GRIN2A: variants seen among roughly 807,000 people sequenced by gnomAD.
GRIN2A encodes glutamate receptor ionotropic, NMDA 2A.
A neutral mutation model predicts 113.4 loss-of-function variants in GRIN2A; 22 were observed. The observed-to-expected ratio is 0.19, with a 90% CI of 0.14 to 0.28. GRIN2A has a LOEUF of 0.28. Ranked by LOEUF, GRIN2A falls within the 10% of genes least tolerant of loss-of-function variation. The pLI is 1.00. For synonymous variants in GRIN2A, 827 were observed against 738.4 expected (o/e 1.12, Z -1.94); for missense variants, 1,502 against 1,887.0 (o/e 0.80, Z 3.78).
intron 2 of GRIN2A, among the ~76,000 whole-genome samples, chr16:10,001,461 T>C (rs1053073646): frequency 1.3e-5 from 2 of 152,198 alleles, no homozygotes; most frequent in Non-Finnish European, 2.9e-5. Flanking sequence ...AGACCAATGA[T>C]GTCATCAAGA....
intron 2 of GRIN2A, among the ~76,000 whole-genome samples, chr16:9,965,187 G>A (rs1397979298): frequency 3.3e-5 from 5 of 152,164 alleles, no homozygotes; most frequent in African/African-American, 4.8e-5. Flanking sequence ...ATACTCACAC[G>A]CTGGCAGAAC....
At chr16:9,930,972 C>T (rs1322206865) in intron 3 of GRIN2A, among the ~76,000 whole-genome samples, 1 of 152,178 alleles carries the variant, frequency 6.6e-6, no homozygotes, top group Non-Finnish European at 1.5e-5. Context: ...AAGCTGAAGC[C>T]TGACTTCATA....
intron 3 of GRIN2A, among the ~76,000 whole-genome samples, chr16:9,914,064 G>C (rs2044194826): frequency 2.0e-5 from 3 of 150,864 alleles, no homozygotes; most frequent in African/African-American, 7.3e-5. Context: ...AAGAATGTTT[G>C]ATTTGGAGAG....
intron 2 of GRIN2A, among the ~76,000 whole-genome samples, chr16:10,022,563 GCACCATAGTCTATTTCC>G (rs1267190659): frequency 1.3e-5 from 2 of 152,160 alleles, no homozygotes; most frequent in African/African-American, 4.8e-5. Context: ...CATCAGTGCT[GCACCATAGTCTATTTCC>G]CACCCTCTCT....
At chr16:10,029,767 G>C (rs1031569634) in intron 2 of GRIN2A, among the ~76,000 whole-genome samples, 1 of 152,068 alleles carries the variant, frequency 6.6e-6, no homozygotes, top group Non-Finnish European at 1.5e-5. Context: ...GGCCGAAGGG[G>C]GTGTAGATCA....
intron 11 of GRIN2A, among the ~76,000 whole-genome samples, chr16:9,792,105 G>GTGTTTGTGTGTC (rs3831728): frequency 6.6e-6 from 1 of 151,064 alleles, no homozygotes; most frequent in African/African-American, 2.4e-5. Context: ...GTGTGTGTGT[G>GTGTTTGTGTGTC]TGTATCTTTC....
intron 2 of GRIN2A, among the ~76,000 whole-genome samples, chr16:10,175,010 G>T (rs1043584145): frequency 6.6e-6 from 1 of 152,174 alleles, no homozygotes; most frequent in Non-Finnish European, 1.5e-5. Flanking sequence ...TCTGTGCTTA[G>T]ATATGTTTAG....
intron 2 of GRIN2A, among the ~76,000 whole-genome samples, chr16:9,990,631 C>G (rs963313784): frequency 6.6e-6 from 1 of 151,224 alleles, no homozygotes; most frequent in Non-Finnish European, 1.5e-5. Context: ...CCTCTAGATA[C>G]TGACTCAACA....
intron 2 of GRIN2A, among the ~76,000 whole-genome samples, chr16:9,958,292 TG>T (rs1393469290): frequency 3.3e-5 from 5 of 152,172 alleles, no homozygotes; most frequent in African/African-American, 1.2e-4. Flanking sequence ...CCTTGAATGC[TG>T]ACTTGCCACA....
At chr16:10,021,785 G>C (rs936538786) in intron 2 of GRIN2A, among the ~76,000 whole-genome samples, 7 of 151,980 alleles carry the variant, frequency 4.6e-5, no homozygotes, top group African/African-American at 1.7e-4. Context: ...GAGCAAATGA[G>C]GAGGCTGCCA....
intron 11 of GRIN2A, among the ~76,000 whole-genome samples, chr16:9,788,223 C>T (rs148639502): frequency 3.3e-5 from 5 of 151,932 alleles, no homozygotes; most frequent in African/African-American, 9.6e-5. Context: ...TCTCTCTCTT[C>T]CTTTCTCTTC....
intron 2 of GRIN2A, among the ~76,000 whole-genome samples, chr16:10,048,542 T>A (rs1476276211): frequency 6.6e-6 from 1 of 152,210 alleles, no homozygotes; most frequent in Non-Finnish European, 1.5e-5. Context: ...ATTCCTCCAC[T>A]TGAATTAACA....
chr16:10,058,817 T>C (rs9936432), intron 2 of GRIN2A, among the ~76,000 whole-genome samples: 5,993 of 152,280 alleles, frequency 0.039, 424 homozygotes, highest in African/African-American at 0.14. Flanking sequence ...GTGCTAGCAA[T>C]ATACAAGGCC....
At chr16:10,127,232 A>C (rs1305485940) in intron 2 of GRIN2A, among the ~76,000 whole-genome samples, 1 of 152,060 alleles carries the variant, frequency 6.6e-6, no homozygotes, top group Non-Finnish European at 1.5e-5. Context: ...GTCTTGAAAA[A>C]AAAAAAAATC....
At chr16:9,905,375 GA>G (rs1234945008) in intron 3 of GRIN2A, among the ~76,000 whole-genome samples, 1 of 152,130 alleles carries the variant, frequency 6.6e-6, no homozygotes, top group Non-Finnish European at 1.5e-5. Flanking sequence ...TGATTTATCA[GA>G]AAGAATACAA....
At chr16:9,934,324 C>T (rs2044662771) in intron 3 of GRIN2A, among the ~76,000 whole-genome samples, 1 of 152,132 alleles carries the variant, frequency 6.6e-6, no homozygotes, top group South Asian at 2.1e-4. Flanking sequence ...CTTAATTCAT[C>T]TATGTATCCC....
chr16:9,776,961 A>G (rs58160310), intron 11 of GRIN2A, among the ~76,000 whole-genome samples: 1 of 152,174 alleles, frequency 6.6e-6, no homozygotes, highest in African/African-American at 2.4e-5. Flanking sequence ...ATTGGGGCCA[A>G]ATCCTCTCCT....
At chr16:9,859,133 A>T (rs1390669720) in intron 4 of GRIN2A, among the ~76,000 whole-genome samples, 1 of 151,990 alleles carries the variant, frequency 6.6e-6, no homozygotes, top group Non-Finnish European at 1.5e-5. Flanking sequence ...GGCCCAATCA[A>T]CCTCACTATT....
chr16:10,069,315 A>G (rs1340402442), intron 2 of GRIN2A, among the ~76,000 whole-genome samples: 2 of 152,212 alleles, frequency 1.3e-5, no homozygotes, highest in African/African-American at 4.8e-5. Context: ...TGGGGATGAG[A>G]GAAAGAGAAT....
Sources: gnomAD v4.1 joint callset for allele counts (sites outside exome capture counted in the v4.1 genomes callset) on GRCh38, gnomAD v4.1.1 for gene constraint, MANE v1.5 for transcripts, NCBI Gene and HGNC (gene_info 2026-07-23, HGNC 2026-07-21) for gene names.